SPRED2: variants seen among roughly 807,000 people sequenced by gnomAD.
The protein encoded by SPRED2 is sprouty related EVH1 domain containing 2.
SPRED2 carries 47 observed loss-of-function variants against 43.0 expected under a neutral mutation model. The ratio of observed to expected loss-of-function variants is 1.09; its 90% CI spans 0.87 to 1.40. SPRED2 has a LOEUF of 1.40. Among genes scored for constraint, SPRED2 ranks in the 40% most tolerant of loss-of-function variants. The probability of loss-of-function intolerance (pLI) is 0.00; values close to 1 mark genes in which losing one functional copy is unlikely to be tolerated. For missense variants in SPRED2, 561 were observed against 586.4 expected, an observed-to-expected ratio of 0.96 and a Z score of 0.45; for synonymous variants, 225 against 225.7, an observed-to-expected ratio of 1.00 and a Z score of 0.03.
chr2:65,357,285 GAA>G (rs1674680309), intron 1 of SPRED2, among the ~76,000 whole-genome samples: 1 of 152,210 alleles, frequency 6.6e-6, no homozygotes, highest in Non-Finnish European at 1.5e-5. Flanking sequence ...TGTTCTCCCT[GAA>G]GCATGCTGGA....
intron 1 of SPRED2, among the ~76,000 whole-genome samples, chr2:65,405,825 C>T (rs1676011429): frequency 6.6e-6 from 1 of 152,208 alleles, no homozygotes; most frequent in South Asian, 2.1e-4. Flanking sequence ...GCTTACCAGC[C>T]CTTCTCCTCC....
At chr2:65,349,181 C>T (rs1271050722) in intron 1 of SPRED2, among the ~76,000 whole-genome samples, 2 of 152,032 alleles carry the variant, frequency 1.3e-5, no homozygotes, top group Non-Finnish European at 2.9e-5. Context: ...GCGGTGCTTT[C>T]GCCTGTAATC....
chr2:65,321,491 T>C (rs1339487243), intron 4 of SPRED2, among the ~76,000 whole-genome samples: 2 of 62,164 alleles, frequency 3.2e-5, no homozygotes, highest in Non-Finnish European at 5.7e-5. Context: ...GGGCAACAAA[T>C]CAAGACCCTG....
In SPRED2 at chr2:65,334,711, A is replaced by G. The variant is rs202106959; in HGVS notation, c.267T>C (p.His89=). ...LVYTKANPTF[H]HWKVDNRKFG... is the part of the protein sequence containing the mutation. Reference sequence around the variant, plus strand: ...ACTTCCTATTATCGACCTTCCAGTGATGAAACGTTGGATTGGCTTTGGTGT... The same window carrying G: ...ACTTCCTATTATCGACCTTCCAGTGGTGAAACGTTGGATTGGCTTTGGTGT... Residue 89 remains histidine, a synonymous_variant, in exon 3 of 6, where the codon CAT becomes CAC. Coordinates refer to ENST00000356388, the MANE Select transcript of SPRED2 (RefSeq NM_181784.3). The G allele has an allele frequency of 9.8e-5, 158 of 1,614,200 alleles. 1 individual carries two copies. The East Asian group carries it at 2.3e-3, about 23-fold the overall frequency.
chr2:65,402,454 A>G (rs1327673270), intron 1 of SPRED2, among the ~76,000 whole-genome samples: 1 of 152,188 alleles, frequency 6.6e-6, no homozygotes, highest in African/African-American at 2.4e-5. Flanking sequence ...TGCCTGTTAG[A>G]CAACCATATG....
At chr2:65,383,179 G>A (rs1055169304) in intron 1 of SPRED2, among the ~76,000 whole-genome samples, 1 of 152,222 alleles carries the variant, frequency 6.6e-6, no homozygotes, top group African/African-American at 2.4e-5. Flanking sequence ...GAGGCAGGTG[G>A]ACCGGGCCGA....
At chr2:65,380,821 A>T (rs1675355341) in intron 1 of SPRED2, 1 of 148,054 alleles carries the variant, frequency 6.8e-6, no homozygotes, top group Non-Finnish European at 1.5e-5. Flanking sequence ...ACATGCTCTG[A>T]AGTGTTTGCC....
At chr2:65,346,269 C>G (rs552153100) in intron 1 of SPRED2, among the ~76,000 whole-genome samples, 9 of 152,248 alleles carry the variant, frequency 5.9e-5, no homozygotes, top group Non-Finnish European at 1.2e-4. Context: ...CTTGGCCCCC[C>G]CAACCCAAGA....
At chr2:65,309,975 G>A (rs1172341409), downstream of SPRED2, among the ~76,000 whole-genome samples, 1 of 152,142 alleles carries the variant, frequency 6.6e-6, no homozygotes. Flanking sequence ...TCCTGGGACC[G>A]CAGTTTACCT....
intron 1 of SPRED2, among the ~76,000 whole-genome samples, chr2:65,388,958 G>A (rs1295332163): frequency 6.6e-6 from 1 of 152,176 alleles, no homozygotes; most frequent in Non-Finnish European, 1.5e-5. Context: ...GAAAGCTGGC[G>A]AGTCACTGGG....
At chr2:65,330,536 C>G (rs1574290) in intron 4 of SPRED2, among the ~76,000 whole-genome samples, 4,274 of 152,110 alleles carry the variant, frequency 0.028, 216 homozygotes, top group African/African-American at 0.098. Context: ...AGAGATTTCC[C>G]CTGTCCCCAC....
chr2:65,359,296 G>T (rs1302428443), intron 1 of SPRED2, among the ~76,000 whole-genome samples: 1 of 152,148 alleles, frequency 6.6e-6, no homozygotes, highest in Admixed American at 6.5e-5. Context: ...TGACATAAAA[G>T]AACTAGGCAG....
intron 4 of SPRED2, among the ~76,000 whole-genome samples, chr2:65,319,361 TC>T (rs1274901180): frequency 6.6e-6 from 1 of 152,178 alleles, no homozygotes; most frequent in Non-Finnish European, 1.5e-5. Context: ...ATTTCTGTAA[TC>T]AAGATCTAAG....
At chr2:65,397,609 CTTT>C (rs34229550) in intron 1 of SPRED2, among the ~76,000 whole-genome samples, 28 of 131,314 alleles carry the variant, frequency 2.1e-4, no homozygotes, top group Admixed American at 3.8e-4. Flanking sequence ...TCTAGCATCA[CTTT>C]TTTTTTTTTT....
At chr2:65,408,576 A>C (rs1447079156) in intron 1 of SPRED2, among the ~76,000 whole-genome samples, 1 of 151,934 alleles carries the variant, frequency 6.6e-6, no homozygotes, top group East Asian at 1.9e-4. Flanking sequence ...CAGTTACATA[A>C]GGGGACTTTT....
intron 1 of SPRED2, among the ~76,000 whole-genome samples, chr2:65,431,047 T>C (rs1316287307): frequency 1.3e-5 from 2 of 151,738 alleles, no homozygotes; most frequent in African/African-American, 2.4e-5. Flanking sequence ...ACTGGACCCC[T>C]GGACCGCGAG....
intron 1 of SPRED2, among the ~76,000 whole-genome samples, chr2:65,385,845 T>A (rs1282975671): frequency 6.6e-6 from 1 of 152,198 alleles, no homozygotes; most frequent in Non-Finnish European, 1.5e-5. Flanking sequence ...CAGACCTGCG[T>A]TAGTGTTTTT....
At chr2:65,346,689 C>T (rs1674360398) in intron 1 of SPRED2, among the ~76,000 whole-genome samples, 1 of 152,162 alleles carries the variant, frequency 6.6e-6, no homozygotes, top group Admixed American at 6.5e-5. Flanking sequence ...TTTCTATCTC[C>T]CCACTGCACC....
intron 1 of SPRED2, among the ~76,000 whole-genome samples, chr2:65,367,727 C>A (rs1262624675): frequency 6.6e-6 from 1 of 152,190 alleles, no homozygotes; most frequent in Non-Finnish European, 1.5e-5. Flanking sequence ...TCTGAGGACA[C>A]AAGCCCTGGC....
Sources: gnomAD v4.1 joint callset for allele counts (sites outside exome capture counted in the v4.1 genomes callset) on GRCh38, gnomAD v4.1.1 for gene constraint, MANE v1.5 for transcripts, NCBI Gene and HGNC (gene_info 2026-07-23, HGNC 2026-07-21) for gene names.